Variants in RASGEF1A observed in about 807,000 individuals in gnomAD.
The protein encoded by RASGEF1A is RasGEF domain family member 1A, also known as ras-GEF domain-containing family member 1A.
In RASGEF1A, 18 loss-of-function variants were observed where a neutral mutation model predicts 56.4. The ratio of observed to expected loss-of-function variants is 0.32; its 90% confidence interval spans 0.22 to 0.47. RASGEF1A has a LOEUF of 0.47. Among genes scored for constraint, RASGEF1A ranks in the 20% least tolerant of loss-of-function variants. The pLI, the probability that RASGEF1A is intolerant of heterozygous loss-of-function variation, is 1.00. For missense variants in RASGEF1A, 422 were observed against 627.1 expected (o/e 0.67, Z 3.49); for synonymous variants, 245 against 242.6 (o/e 1.01, Z -0.09).
At chr10:43,229,701 C>A in intron 1 of RASGEF1A, 1 of 1,428,230 alleles carries the variant, frequency 7.0e-7, no homozygotes, top group Non-Finnish European at 9.1e-7. Context: ...CGGCGTCCAG[C>A]GAGCGGCGGC....
At chr10:43,239,799 G>T (rs1004804067) in intron 1 of RASGEF1A, among the ~76,000 whole-genome samples, 2 of 152,190 alleles carry the variant, frequency 1.3e-5, no homozygotes, top group African/African-American at 4.8e-5. Flanking sequence ...TGACTCAGAG[G>T]TCTCAAGTAC....
chr10:43,232,854 C>A (rs1316746731), intron 1 of RASGEF1A, among the ~76,000 whole-genome samples: 1 of 152,190 alleles, frequency 6.6e-6, no homozygotes. Context: ...TCAGAGTCCA[C>A]CCTTGCTGTC....
chr10:43,210,702 C>G (rs12258724), intron 1 of RASGEF1A, among the ~76,000 whole-genome samples: 2 of 152,238 alleles, frequency 1.3e-5, no homozygotes, highest in Non-Finnish European at 2.9e-5. Flanking sequence ...CTCGAGGCAG[C>G]AGACCCTGTG....
At chr10:43,266,651 G>C (rs1190231869) in intron 1 of RASGEF1A, among the ~76,000 whole-genome samples, 194 bp downstream of exon 1, 2 of 147,648 alleles carry the variant, frequency 1.4e-5, no homozygotes, top group East Asian at 2.0e-4. Flanking sequence ...TCCGCGCGCC[G>C]GGATCCCGGC....
rs112450803 is a variant in RASGEF1A at position 43,225,824 on chromosome 10, G to T, written c.-6-19702C>A. On this transcript the variant is annotated intron_variant, in intron 1 of 12. Transcript: ENST00000395810. ...ATGTGGCCCCAGGGAGGTCCCCAGAGAAGTCATACTCAGGTTGGGGCCAGA... is the reference window on the plus strand; with the variant it reads ...ATGTGGCCCCAGGGAGGTCCCCAGATAAGTCATACTCAGGTTGGGGCCAGA... 8.9e-3 allele frequency among the ~76,000 whole-genome samples: 1,354 copies of T among 152,316 alleles called. 5 individuals carry two copies. Among genetic ancestry groups the T allele is most frequent in the Non-Finnish European group, 0.011 (782 of 68,038 alleles).
In RASGEF1A at chr10:43,199,673, T is replaced by C. The variant is rs1300665917; in HGVS notation, c.849+3A>G. Reference sequence around the variant, plus strand: ...CCCCACCATGTCTGCCATGGGCACTTACCCGGCACACCTCAGTGGCCACCA... The same window carrying C: ...CCCCACCATGTCTGCCATGGGCACTCACCCGGCACACCTCAGTGGCCACCA... On this transcript the variant is annotated splice_donor_region_variant and intron_variant, in intron 7 of 12. Transcript: ENST00000395810. 1.9e-6 allele frequency: 3 copies of C among 1,612,630 alleles called. No individual in the cohort carries two copies. The highest frequency in any genetic ancestry group is 2.7e-5 in the African/African-American group (2 of 74,934).
At chr10:43,255,272 G>C (rs1051140031) in intron 1 of RASGEF1A, among the ~76,000 whole-genome samples, 2 of 152,120 alleles carry the variant, frequency 1.3e-5, no homozygotes, top group Non-Finnish European at 2.9e-5. Flanking sequence ...AGGCCAAGCC[G>C]CCCAGCCCTG....
intron 1 of RASGEF1A, among the ~76,000 whole-genome samples, chr10:43,227,817 C>A (rs1390829437): frequency 6.6e-6 from 1 of 152,130 alleles, no homozygotes; most frequent in African/African-American, 2.4e-5. Context: ...GGGCAACACC[C>A]TCCTTCCTGC....
At chr10:43,224,176 T>C (rs1840244188) in intron 1 of RASGEF1A, among the ~76,000 whole-genome samples, 1 of 152,234 alleles carries the variant, frequency 6.6e-6, no homozygotes, top group Non-Finnish European at 1.5e-5. Flanking sequence ...TTTCAAGCCT[T>C]TGAGGATAAG....
At chr10:43,263,122 C>T (rs550003238) in intron 1 of RASGEF1A, among the ~76,000 whole-genome samples, 1 of 152,190 alleles carries the variant, frequency 6.6e-6, no homozygotes, top group South Asian at 2.1e-4. Context: ...GAGCTGGAAC[C>T]GGATCAGCAC....
intron 1 of RASGEF1A, among the ~76,000 whole-genome samples, chr10:43,210,804 C>T (rs1316523024): frequency 2.0e-5 from 3 of 152,146 alleles, no homozygotes; most frequent in African/African-American, 7.2e-5. Flanking sequence ...CTGTGGGAAC[C>T]CTCACCTCCA....
intron 1 of RASGEF1A, among the ~76,000 whole-genome samples, chr10:43,251,732 ACT>A (rs897971988): frequency 6.6e-6 from 1 of 151,576 alleles, no homozygotes; most frequent in African/African-American, 2.4e-5. Flanking sequence ...GGGAATCCAC[ACT>A]CTCTGGCTCA....
rs762139835 is a variant in RASGEF1A at position 43,199,682 on chromosome 10, C to T, written c.843G>A (p.Val281=). Residue 281 remains valine, a synonymous_variant, in exon 7 of 13, where the codon GTG becomes GTA. Coordinates refer to ENST00000395810, the MANE Select transcript of RASGEF1A (RefSeq NM_145313.4). ...NCLSMLVATE[V]CRVVKKKHRT... is the part of the protein sequence containing the mutation. Reference sequence around the variant, plus strand: ...GTCTGCCATGGGCACTTACCCGGCACACCTCAGTGGCCACCAGCATGCTCA... The same window carrying T: ...GTCTGCCATGGGCACTTACCCGGCATACCTCAGTGGCCACCAGCATGCTCA... 30 of 1,613,280 alleles carry T rather than the reference C, an allele frequency of 1.9e-5. No individual in the cohort carries two copies. The South Asian group carries it at 3.2e-4, about 17-fold the overall frequency.
At chr10:43,248,364 TAAAAAAAAAAAAAA>T (rs34561814) in intron 1 of RASGEF1A, among the ~76,000 whole-genome samples, 1 of 111,420 alleles carries the variant, frequency 9.0e-6, no homozygotes, top group South Asian at 2.9e-4. Context: ...ACTCGGTCTT[TAAAAAAAAAAAAAA>T]AAAAAAAAAG....
intron 2 of RASGEF1A, among the ~76,000 whole-genome samples, chr10:43,204,354 C>T (rs1041712415): frequency 6.6e-6 from 1 of 152,130 alleles, no homozygotes; most frequent in African/African-American, 2.4e-5. Context: ...ACTCAGGGGC[C>T]TGGGCTGACA....
intron 1 of RASGEF1A, among the ~76,000 whole-genome samples, chr10:43,214,689 G>T (rs1840110716): frequency 6.6e-6 from 1 of 152,346 alleles, no homozygotes; most frequent in Admixed American, 6.5e-5. Context: ...CAGGCTCCTA[G>T]CACACTGTCG....
chr10:43,230,539 C>A (rs914270770), intron 1 of RASGEF1A, among the ~76,000 whole-genome samples: 1 of 152,120 alleles, frequency 6.6e-6, no homozygotes, highest in African/African-American at 2.4e-5. Flanking sequence ...GAGCACCCAG[C>A]ACCTGAGCTG....
At chr10:43,227,103 A>T (rs927767468) in intron 1 of RASGEF1A, among the ~76,000 whole-genome samples, 1 of 152,172 alleles carries the variant, frequency 6.6e-6, no homozygotes, top group African/African-American at 2.4e-5. Context: ...TAAGGGGGAA[A>T]AGGGAGGTTG....
At chr10:43,232,857 T>G (rs1016439304) in intron 1 of RASGEF1A, among the ~76,000 whole-genome samples, 1 of 152,172 alleles carries the variant, frequency 6.6e-6, no homozygotes, top group African/African-American at 2.4e-5. Context: ...GAGTCCACCC[T>G]TGCTGTCTCC....
Sources: gnomAD v4.1 joint callset for allele counts (sites outside exome capture counted in the v4.1 genomes callset) on GRCh38, gnomAD v4.1.1 for gene constraint, MANE v1.5 for transcripts, NCBI Gene and HGNC (gene_info 2026-07-23, HGNC 2026-07-21) for gene names.